COL6A2: variants seen among roughly 807,000 people sequenced by gnomAD.
The protein encoded by COL6A2 is collagen alpha-2(VI) chain.
In COL6A2, 90 loss-of-function variants were observed where a neutral mutation model predicts 124.9. The observed-to-expected ratio is 0.72, with a 90% CI of 0.61 to 0.86. COL6A2 has a LOEUF of 0.86. COL6A2 is among the 40% of genes least tolerant of loss of function. The pLI is 0.00. For synonymous variants in COL6A2, 793 were observed against 618.2 expected (o/e 1.28, Z -4.19); for missense variants, 1,607 against 1,502.5 (o/e 1.07, Z -1.15).
At chr21:46,119,006 C>T (rs1398246114) in intron 13 of COL6A2, 24 bp from the exon 14 acceptor site, 1 of 1,556,204 alleles carries the variant, frequency 6.4e-7, no homozygotes, top group Non-Finnish European at 8.9e-7. Flanking sequence ...CTCTGGGTGA[C>T]TGTGCTGTCC....
chr21:46,116,507 G>A lies in COL6A2; in HGVS notation c.927+104G>A. 6.3e-7 allele frequency: 1 copy of A among 1,582,326 alleles called. No individual in the cohort carries two copies. Among genetic ancestry groups the A allele is most frequent in the South Asian group, 1.1e-5 (1 of 89,880 alleles). ...GTCACTGCTCCTGGGGCACCGGCCT[G>A]GTCTTTTCTCAGTGGTGGCTTTGGG... On this transcript the variant is annotated intron_variant, in intron 8 of 27. Coordinates refer to ENST00000300527, the MANE Select transcript of COL6A2 (RefSeq NM_001849.4). This position sits in a 1 kb window ranked among gnomAD's most constrained non-coding sequence, Gnocchi z 4.6.
At chr21:46,113,677 C>G (rs938727794) in intron 4 of COL6A2, 2 of 426,452 alleles carry the variant, frequency 4.7e-6, no homozygotes, top group Non-Finnish European at 8.8e-6. Context: ...CTCCCTGCCT[C>G]GGCCTACCAA....
Position 46,125,568 on chromosome 21 carries a change from C to G in COL6A2, c.1920C>G (p.Asn640Lys). ...CACTGGAGAAGAACTTCGTCATCAA[C>G]GTGGTCAACAGGCTGGGTGCCATCG... ...NFTLEKNFVINVVNRLGAIAK... is the reference protein window; with the variant it reads ...NFTLEKNFVIKVVNRLGAIAK... Residue 640 changes from asparagine to lysine, a missense_variant, in exon 25 of 28, where the codon AAC becomes AAG. Coordinates refer to ENST00000300527, the MANE Select transcript of COL6A2 (RefSeq NM_001849.4). 6.2e-7 allele frequency: 1 copy of G among 1,610,508 alleles called. No homozygotes were observed. Among genetic ancestry groups the G allele is most frequent in the Admixed American group, 1.7e-5 (1 of 59,902 alleles).
chr21:46,116,525 G>T lies in COL6A2; in HGVS notation c.927+122G>T. 6.3e-7 allele frequency: 1 copy of T among 1,575,178 alleles called. No individual in the cohort carries two copies. The highest frequency in any genetic ancestry group is 8.7e-7 in the Non-Finnish European group (1 of 1,150,090). ...CCGGCCTGGTCTTTTCTCAGTGGTG[G>T]CTTTGGGGGCTCCTGGGGGGTCCTG... On this transcript the variant is annotated intron_variant, in intron 8 of 27. Coordinates refer to ENST00000300527, the MANE Select transcript of COL6A2 (RefSeq NM_001849.4). The surrounding 1 kb of genome is among the most constrained non-coding windows in gnomAD (Gnocchi z 4.6).
intron 21 of COL6A2, 70 bp from the exon 22 acceptor site, chr21:46,124,581 A>AG: frequency 6.7e-7 from 1 of 1,481,950 alleles, no homozygotes; most frequent in Non-Finnish European, 9.4e-7. Flanking sequence ...GGGACAGCAC[A>AG]GGGGGCCCTG....
At chr21:46,131,085 C>G (rs765743891) in intron 27 of COL6A2, among the ~76,000 whole-genome samples, 2 of 152,316 alleles carry the variant, frequency 1.3e-5, no homozygotes, top group East Asian at 3.9e-4. Context: ...GCTGTGACGA[C>G]GTCCAGGGGT....
intron 1 of COL6A2, among the ~76,000 whole-genome samples, chr21:46,101,704 G>T (rs1371709548): frequency 6.6e-6 from 1 of 151,976 alleles, no homozygotes. Context: ...ATATGCAAGG[G>T]TTTCTTTCTG....
At chr21:46,115,682 A>G (rs982386319) in intron 5 of COL6A2, among the ~76,000 whole-genome samples, 190 bp from the exon 6 acceptor site, 10 of 152,120 alleles carry the variant, frequency 6.6e-5, no homozygotes, top group Non-Finnish European at 1.5e-4. Context: ...GCTGGGAGAA[A>G]TGGGTCAAAG....
intron 11 of COL6A2, 155 bp downstream of exon 11, chr21:46,117,608 C>G (rs758794757): frequency 1.2e-6 from 1 of 861,464 alleles, no homozygotes; most frequent in Non-Finnish European, 1.9e-6. Flanking sequence ...TCTGCCGGGT[C>G]GGAGTCATGT....
chr21:46,127,092 G>A (rs1177247783), intron 27 of COL6A2, among the ~76,000 whole-genome samples: 1 of 152,168 alleles, frequency 6.6e-6, no homozygotes, highest in Non-Finnish European at 1.5e-5. Context: ...GTGCCGTCCA[G>A]GCTCTGCTGG....
rs540121818 is a variant in COL6A2 at position 46,131,183 on chromosome 21, G to A, written c.2462-771G>A. Among the ~76,000 whole-genome samples, 5 of 152,290 alleles carry A rather than the reference G, an allele frequency of 3.3e-5. No homozygotes were observed. In the East Asian group the frequency reaches 9.7e-4, roughly 29 times the overall value. On this transcript the variant is annotated intron_variant, in intron 27 of 27. Coordinates refer to ENST00000300527, the MANE Select transcript of COL6A2 (RefSeq NM_001849.4). Reference sequence around the variant, plus strand: ...AGCTGAGGTCTTGGTGAGGCCACAGGGCCAGGTCCACGCAAGGACTGTCCG... The same window carrying A: ...AGCTGAGGTCTTGGTGAGGCCACAGAGCCAGGTCCACGCAAGGACTGTCCG...
At chr21:46,117,644 G>T (rs1167867360) in intron 11 of COL6A2, 191 bp downstream of exon 11, 2 of 744,370 alleles carry the variant, frequency 2.7e-6, no homozygotes, top group East Asian at 2.7e-5. Flanking sequence ...GGAGCTCCTG[G>T]CGGATCCCCG....
intron 27 of COL6A2, chr21:46,129,151 C>T (rs748116410): frequency 4.8e-5 from 77 of 1,611,480 alleles, no homozygotes; most frequent in East Asian, 1.3e-4. Context: ...TCTAGGCCGA[C>T]GCCCACCGCA....
chr21:46,110,629 G>C (rs533553884), intron 1 of COL6A2, among the ~76,000 whole-genome samples: 3 of 152,110 alleles, frequency 2.0e-5, no homozygotes, highest in Non-Finnish European at 4.4e-5. Flanking sequence ...CCCTAGTCCC[G>C]GTGCTTGGAC....
chr21:46,119,916 C>A, intron 15 of COL6A2, 66 bp downstream of exon 15: 2 of 1,392,960 alleles, frequency 1.4e-6, no homozygotes, highest in Non-Finnish European at 2.0e-6. Flanking sequence ...CTGACGAGGG[C>A]CCCAACCCCA....
chr21:46,121,559 T>A lies in COL6A2; in HGVS notation c.1462T>A (p.Ser488Thr). Residue 488 changes from serine to threonine, a missense_variant, in exon 18 of 28, where the codon TCT (serine) becomes ACT (threonine). Around this residue, in one of 3 missense-constraint regions of COL6A2, gnomAD observed 1,223 missense variants for 1,052.2 expected, o/e 1.16. Transcript: ENST00000300527. ...GALGEPGKQG[S>T]RGDPGDAGPR... ...TGAATTTCTCTCCTGCCCTCAGGGA[T>A]CTCGGGGAGACCCCGGTGATGCAGG... 6.2e-7 allele frequency: 1 copy of A among 1,612,816 alleles called. No individual in the cohort carries two copies. The highest frequency in any genetic ancestry group is 8.5e-7 in the Non-Finnish European group (1 of 1,179,964).
chr21:46,114,153 G>T (rs190292552), intron 5 of COL6A2, 80 bp downstream of exon 5: 1 of 1,245,662 alleles, frequency 8.0e-7, no homozygotes, highest in Non-Finnish European at 1.2e-6. Flanking sequence ...TTGGCCGGGC[G>T]TGGTGGCTCA....
At chr21:46,118,216 A>G (rs1424884494) in intron 12 of COL6A2, among the ~76,000 whole-genome samples, 1 of 151,940 alleles carries the variant, frequency 6.6e-6, no homozygotes, top group Non-Finnish European at 1.5e-5. Flanking sequence ...CACCTCCTGG[A>G]GCTCCCCATG....
In COL6A2 at chr21:46,116,227, C is replaced by T; in HGVS notation, c.901-150C>T. On this transcript the variant is annotated intron_variant, in intron 7 of 27. Transcript: ENST00000300527. This position sits in a 1 kb window ranked among gnomAD's most constrained non-coding sequence, Gnocchi z 4.6. Reference sequence around the variant, plus strand: ...CCAAAACCCAGCCTCCAGCCCGACCCAGGGCTCAGCCTCCTCCGCAGACTG... The same window carrying T: ...CCAAAACCCAGCCTCCAGCCCGACCTAGGGCTCAGCCTCCTCCGCAGACTG... 1.7e-6 allele frequency: 2 copies of T among 1,156,574 alleles called. No homozygotes were observed. The highest frequency in any genetic ancestry group is 2.0e-5 in the Admixed American group (1 of 50,702). The allele number at this position is 1,156,574 out of a possible 1,614,324, so 71.6% of individuals were successfully genotyped here. A position where few individuals can be genotyped will look rare whatever the true frequency, so the allele number is the denominator to read the frequency against.
Sources: allele counts gnomAD v4.1 joint callset (sites outside exome capture counted in the v4.1 genomes callset), GRCh38; gene constraint gnomAD v4.1.1; regional missense constraint gnomAD v4.1.1; non-coding constraint Gnocchi (gnomAD v3.1); transcripts MANE v1.5; gene names NCBI Gene and HGNC (gene_info 2026-07-23, HGNC 2026-07-21).